Variants in TRIO observed in about 807,000 individuals in gnomAD.
TRIO encodes triple functional domain protein.
A neutral mutation model predicts 351.9 loss-of-function variants in TRIO; 58 were observed. That is an observed-to-expected ratio of 0.16 (90% CI 0.13 to 0.21). TRIO has a LOEUF of 0.21. Among genes scored for constraint, TRIO ranks in the 10% least tolerant of loss-of-function variants. TRIO has a pLI of 1.00. For missense variants in TRIO, 3,201 were observed against 4,027.8 expected, an observed-to-expected ratio of 0.79 and a Z score of 5.56; for synonymous variants, 1,758 against 1,595.7, an observed-to-expected ratio of 1.10 and a Z score of -2.42.
At chr5:14,422,743 C>T (rs1312330436) in intron 34 of TRIO, among the ~76,000 whole-genome samples, 2 of 152,144 alleles carry the variant, frequency 1.3e-5, no homozygotes, top group African/African-American at 4.8e-5. Context: ...TTTAAATGAA[C>T]AAGAAATTCA....
At chr5:14,401,207 A>G (rs907360049) in intron 31 of TRIO, 143 bp downstream of exon 31, 12 of 656,086 alleles carry the variant, frequency 1.8e-5, no homozygotes, top group Non-Finnish European at 3.0e-5. Context: ...TGACTACCAC[A>G]AAAAGAATAG....
chr5:14,491,235 T>C (rs115957602), intron 48 of TRIO, among the ~76,000 whole-genome samples: 1 of 152,200 alleles, frequency 6.6e-6, no homozygotes, highest in Non-Finnish European at 1.5e-5. Context: ...GTCCGCCACC[T>C]GCTCCAGCGT....
intron 1 of TRIO, among the ~76,000 whole-genome samples, chr5:14,223,435 A>G (rs926014169): frequency 4.6e-5 from 7 of 152,142 alleles, no homozygotes; most frequent in Non-Finnish European, 1.0e-4. Flanking sequence ...CTCCTTCCCC[A>G]TAGGAGGCTG....
In TRIO at chr5:14,502,435, C is replaced by T. The variant is rs531864641; in HGVS notation, c.8333-144C>T. The T allele has an allele frequency of 7.5e-6, 5 of 665,742 alleles. No homozygotes were observed. The South Asian group carries it at 9.1e-5, about 12-fold the overall frequency. 41.2% of individuals were successfully genotyped at this position (665,742 alleles called of 1,614,324 possible). On this transcript the variant is annotated intron_variant, in intron 53 of 56. Transcript: ENST00000344204. ...AGTGTCTGTGTGTCCTTTATGCAGC[C>T]ACCACATCTCCACTCGCATGAGCCG...
At chr5:14,146,093 C>T (rs1787505567) in intron 1 of TRIO, among the ~76,000 whole-genome samples, 1 of 151,938 alleles carries the variant, frequency 6.6e-6, no homozygotes, top group African/African-American at 2.4e-5. Context: ...CTTTGGGCAG[C>T]TCTGAGTCCC....
Position 14,498,213 on chromosome 5 carries a change from C to T in TRIO, c.8172C>T (p.Asn2724=). Residue 2724 remains asparagine (N), a synonymous_variant, in exon 52 of 57, where the codon AAC becomes AAT. Coordinates refer to ENST00000344204, the MANE Select transcript of TRIO (RefSeq NM_007118.4). ...TTACCTGGAAGGGCCCTGAACACAA[C>T]ACCTTGAACAACGATGGTCACTACA... The part of the protein sequence containing the change: ...ASITWKGPEH[N]TLNNDGHYSI... 6.2e-7 allele frequency: 1 copy of T among 1,614,230 alleles called. No homozygotes were observed. The highest frequency in any genetic ancestry group is 8.5e-7 in the Non-Finnish European group (1 of 1,180,036).
intron 33 of TRIO, among the ~76,000 whole-genome samples, chr5:14,418,185 A>G (rs1749798233): frequency 6.6e-6 from 1 of 152,078 alleles, no homozygotes; most frequent in Non-Finnish European, 1.5e-5. Flanking sequence ...AGCAAGAGGG[A>G]TGGTATGGGC....
At chr5:14,349,048 G>T (rs1274627546) in intron 11 of TRIO, among the ~76,000 whole-genome samples, 1 of 151,454 alleles carries the variant, frequency 6.6e-6, no homozygotes, top group East Asian at 2.0e-4. Context: ...ACGTGAGCAT[G>T]TGTTTTTCCT....
At chr5:14,346,851 C>A (rs1321291380) in intron 11 of TRIO, among the ~76,000 whole-genome samples, 1 of 152,238 alleles carries the variant, frequency 6.6e-6, no homozygotes, top group East Asian at 1.9e-4. Flanking sequence ...GAGACCAAAA[C>A]TCTCCTCATC....
chr5:14,396,218 C>T, intron 28 of TRIO, among the ~76,000 whole-genome samples: 1 of 151,852 alleles, frequency 6.6e-6, no homozygotes, highest in South Asian at 2.1e-4. Flanking sequence ...TCTAAACATC[C>T]TACGCAAAAA....
rs532968015 is a variant in TRIO at position 14,342,883 on chromosome 5, G to A, written c.2046+6156G>A. 9.9e-5 allele frequency among the ~76,000 whole-genome samples: 15 copies of A among 152,264 alleles called. No homozygotes were observed. In the East Asian group the frequency reaches 2.3e-3, roughly 23 times the overall value. ...AAGATGAAAATTCACAGGCTGAACC[G>A]TTGTAAGTCCATATGCTCCTCAACT... is the stretch of plus-strand genomic sequence containing the variant. On this transcript the variant is annotated intron_variant, in intron 11 of 56. Transcript: ENST00000344204.
chr5:14,276,057 T>G (rs1561281363), intron 2 of TRIO, among the ~76,000 whole-genome samples: 3 of 151,264 alleles, frequency 2.0e-5, no homozygotes, highest in Middle Eastern at 3.2e-3. Context: ...TTGTTTTTTT[T>G]TTTTCTTTTA....
At chr5:14,219,358 C>A (rs574592696) in intron 1 of TRIO, among the ~76,000 whole-genome samples, 2 of 152,230 alleles carry the variant, frequency 1.3e-5, no homozygotes, top group East Asian at 3.9e-4. Context: ...CCTCTGCAAA[C>A]CTTGCTTTCC....
chr5:14,363,691 T>G, intron 13 of TRIO, 41 bp from the exon 14 acceptor site: 1 of 1,580,172 alleles, frequency 6.3e-7, no homozygotes, highest in Non-Finnish European at 8.7e-7. Flanking sequence ...GGTGGCTGCA[T>G]GTATATTTTT....
intron 32 of TRIO, 93 bp downstream of exon 32, chr5:14,406,083 A>G (rs918339215): frequency 2.6e-6 from 4 of 1,509,452 alleles, no homozygotes; most frequent in Non-Finnish European, 3.6e-6. Context: ...CTTTCTCTCA[A>G]ACATTTTGAG....
intron 28 of TRIO, among the ~76,000 whole-genome samples, chr5:14,395,084 A>G (rs1410329365): frequency 6.6e-6 from 1 of 152,230 alleles, no homozygotes; most frequent in Non-Finnish European, 1.5e-5. Context: ...TATAAAAGAA[A>G]TTTAGAAGAT....
chr5:14,182,851 A>C (rs1001033588), intron 1 of TRIO, among the ~76,000 whole-genome samples: 13 of 116,782 alleles, frequency 1.1e-4, no homozygotes, highest in African/African-American at 2.9e-5. Context: ...ATTGGACCAA[A>C]TACAGTGGAG....
intron 34 of TRIO, among the ~76,000 whole-genome samples, chr5:14,454,261 G>T (rs1314505443): frequency 6.6e-6 from 1 of 152,146 alleles, no homozygotes; most frequent in Non-Finnish European, 1.5e-5. Context: ...TCTCAGGTCA[G>T]TTCTGTCCTG....
At chr5:14,264,025 C>A (rs1194973858) in intron 1 of TRIO, among the ~76,000 whole-genome samples, 1 of 152,188 alleles carries the variant, frequency 6.6e-6, no homozygotes, top group African/African-American at 2.4e-5. Context: ...CTTTATAATA[C>A]TACTACTTCT....
Sources: gnomAD v4.1 joint callset for allele counts (sites outside exome capture counted in the v4.1 genomes callset) on GRCh38, gnomAD v4.1.1 for gene constraint, MANE v1.5 for transcripts, NCBI Gene and HGNC (gene_info 2026-07-23, HGNC 2026-07-21) for gene names.